The following FXYD7 variants were observed in gnomAD, a reference collection of about 807,000 sequenced individuals.
The protein encoded by FXYD7 is FXYD domain containing ion transport regulator 7.
Under a neutral mutation model 15.3 loss-of-function variants are expected in FXYD7, and 7 were observed. The ratio of observed to expected loss-of-function variants is 0.46; its 90% CI spans 0.26 to 0.86. FXYD7 has a LOEUF of 0.86. Ranked by LOEUF, FXYD7 falls within the 40% of genes least tolerant of loss-of-function variation. The pLI, the probability that FXYD7 is intolerant of heterozygous loss-of-function variation, is 0.16. For missense variants in FXYD7, 78 were observed against 100.6 expected (o/e 0.78, Z 0.96); for synonymous variants, 39 against 39.3 (o/e 0.99, Z 0.03).
chr19:35,148,095 G>GAAAGAAAGAAAGAA (rs1369233426), intron 1 of FXYD7, among the ~76,000 whole-genome samples: 5 of 133,988 alleles, frequency 3.7e-5, no homozygotes, highest in Non-Finnish European at 8.0e-5. Flanking sequence ...AAGAAAGAAA[G>GAAAGAAAGAAAGAA]AGAGAGAGAA....
chr19:35,152,410 G>A (rs369291029), intron 5 of FXYD7, among the ~76,000 whole-genome samples: 2 of 151,858 alleles, frequency 1.3e-5, no homozygotes, highest in Admixed American at 1.3e-4. Context: ...AGGAAGACGG[G>A]GAGAGGCTTT....
intron 2 of FXYD7, among the ~76,000 whole-genome samples, chr19:35,150,436 T>G (rs557698671): frequency 1.3e-5 from 2 of 152,124 alleles, no homozygotes; most frequent in African/African-American, 4.8e-5. Context: ...GCAAGAATAT[T>G]AGGCAAGAAT....
intron 1 of FXYD7, among the ~76,000 whole-genome samples, chr19:35,146,924 C>T (rs984644229): frequency 7.9e-5 from 12 of 152,214 alleles, no homozygotes; most frequent in Admixed American, 7.9e-4. Context: ...GTTTCGGCTA[C>T]AGCATGCTGT....
At chr19:35,152,630 A>G (rs2065315543) in intron 5 of FXYD7, among the ~76,000 whole-genome samples, 1 of 151,320 alleles carries the variant, frequency 6.6e-6, no homozygotes. Flanking sequence ...ACAGGAGGGG[A>G]GAGAGTGGAG....
intron 1 of FXYD7, among the ~76,000 whole-genome samples, chr19:35,144,101 A>T (rs1040973261): frequency 1.3e-5 from 2 of 152,026 alleles, no homozygotes; most frequent in Non-Finnish European, 2.9e-5. Context: ...TGAGACCGCT[A>T]TGGAGAGAGA....
rs747032854 is a variant in FXYD7 at position 35,153,894 on chromosome 19, C to T, written c.221C>T (p.Ala74Val). The change falls in exon 6 of 6, where the codon GCC becomes GTC. Residue 74 changes from alanine to valine, a missense_variant and splice_region_variant. Coordinates refer to ENST00000270310, the MANE Select transcript of FXYD7 (RefSeq NM_022006.2). ...KSCKSELPSS[A>V]PGGGGV ...GCTCACGCACCCCCTCTCTCCCCAG[C>T]CCCTGGTGGCGGCGGCGTGTAACAC... 3 of 1,612,772 alleles carry T rather than the reference C, an allele frequency of 1.9e-6. No individual in the cohort carries two copies. The highest frequency in any genetic ancestry group is 4.5e-5 in the East Asian group (2 of 44,810).
At chr19:35,147,000 T>C (rs1416162022) in intron 1 of FXYD7, among the ~76,000 whole-genome samples, 1 of 152,154 alleles carries the variant, frequency 6.6e-6, no homozygotes, top group African/African-American at 2.4e-5. Flanking sequence ...TATGCTGTGG[T>C]AACAAATAGT....
chr19:35,147,418 G>A (rs906234588), intron 1 of FXYD7, among the ~76,000 whole-genome samples: 16 of 152,178 alleles, frequency 1.1e-4, no homozygotes, highest in Non-Finnish European at 1.9e-4. Context: ...AGAGGCATTC[G>A]AGAACCATCA....
intron 1 of FXYD7, among the ~76,000 whole-genome samples, chr19:35,144,806 A>G (rs895620240): frequency 7.3e-5 from 11 of 151,698 alleles, no homozygotes; most frequent in African/African-American, 2.7e-4. Flanking sequence ...CCTCAACCCA[A>G]CCTCCTCTGC....
intron 5 of FXYD7, among the ~76,000 whole-genome samples, chr19:35,153,021 T>TGTTTCAC (rs1230551814): frequency 6.8e-6 from 1 of 146,878 alleles, no homozygotes; most frequent in Non-Finnish European, 1.5e-5. Context: ...GTGTGGAATT[T>TGTTTCAC]GTTTCACGTT....
chr19:35,152,575 T>A (rs752207857), intron 5 of FXYD7, among the ~76,000 whole-genome samples: 10 of 151,752 alleles, frequency 6.6e-5, no homozygotes, highest in Admixed American at 5.3e-4. Flanking sequence ...GAAAAGAACA[T>A]ATGGGATGCA....
chr19:35,148,051 GAA>G (rs1199880104), intron 1 of FXYD7, among the ~76,000 whole-genome samples: 9 of 101,960 alleles, frequency 8.8e-5, no homozygotes, highest in African/African-American at 3.1e-4. Flanking sequence ...AAGAAAGAAA[GAA>G]AGAAAGAAAG....
intron 1 of FXYD7, among the ~76,000 whole-genome samples, chr19:35,148,197 G>C (rs888577637): frequency 2.0e-5 from 3 of 152,212 alleles, no homozygotes; most frequent in African/African-American, 7.2e-5. Flanking sequence ...ACTGGATGGA[G>C]TATCAGGAGT....
intron 1 of FXYD7, among the ~76,000 whole-genome samples, 173 bp from the exon 2 acceptor site, chr19:35,148,521 C>A (rs905246140): frequency 6.6e-6 from 1 of 152,208 alleles, no homozygotes; most frequent in African/African-American, 2.4e-5. Flanking sequence ...GAGCTATGCT[C>A]TTCCAGCCTT....
chr19:35,149,013 A>G, intron 2 of FXYD7: 1 of 573,922 alleles, frequency 1.7e-6, no homozygotes, highest in Non-Finnish European at 3.3e-6. Context: ...AGAAGCAATG[A>G]CTCTGAGCCC....
chr19:35,151,203 G>T (rs537043450), intron 2 of FXYD7, 51 bp from the exon 3 acceptor site: 3 of 1,202,904 alleles, frequency 2.5e-6, no homozygotes, highest in South Asian at 2.4e-5. Context: ...TGGGCTCCAG[G>T]TGCAGCCAAG....
chr19:35,151,349 G>A (rs765381194), intron 3 of FXYD7, 21 bp downstream of exon 3: 1 of 1,598,550 alleles, frequency 6.3e-7, no homozygotes, highest in Non-Finnish European at 8.6e-7. Context: ...CCCATTCCTG[G>A]GCTGCCTCAG....
chr19:35,153,036 T>TGTTTTTTTTTTTTTTG (rs775322108), intron 5 of FXYD7, among the ~76,000 whole-genome samples: 3 of 97,140 alleles, frequency 3.1e-5, no homozygotes, highest in South Asian at 4.1e-4. Context: ...CACGTTCCTT[T>TGTTTTTTTTTTTTTTG]TTTTTTTTTT....
At chr19:35,152,703 G>A (rs1037604314) in intron 5 of FXYD7, among the ~76,000 whole-genome samples, 1 of 151,804 alleles carries the variant, frequency 6.6e-6, no homozygotes, top group Non-Finnish European at 1.5e-5. Flanking sequence ...GAGGAGGATG[G>A]GAGGAGGAGG....
Sources: gnomAD v4.1 joint callset for allele counts (sites outside exome capture counted in the v4.1 genomes callset) on GRCh38, gnomAD v4.1.1 for gene constraint, MANE v1.5 for transcripts, NCBI Gene and HGNC (gene_info 2026-07-23, HGNC 2026-07-21) for gene names.